The following MMP28 variants were observed in gnomAD, a reference collection of about 807,000 sequenced individuals.
MMP28 encodes matrix metallopeptidase 28, also known as matrix metalloproteinase-28.
In MMP28, 55 loss-of-function variants were observed where a neutral mutation model predicts 60.5. The ratio of observed to expected loss-of-function variants is 0.91; its 90% CI spans 0.73 to 1.14. The LOEUF (loss-of-function observed/expected upper bound fraction) is 1.14. Ranked by LOEUF, MMP28 falls within the 50% of genes most tolerant of loss-of-function variation. The pLI is 0.00. For synonymous variants in MMP28, 318 were observed against 312.5 expected (o/e 1.02, Z -0.18); for missense variants, 686 against 738.3 (o/e 0.93, Z 0.82).
At position 35,760,791 on chromosome 17, in the gene MMP28, C is replaced by T. The variant is rs1227061894; in HGVS notation, c.266-4372G>A. The T allele has an allele frequency of 1.2e-5, 10 of 862,074 alleles. No individual in the cohort carries two copies. The African/African-American group carries it at 1.3e-4, about 12-fold the overall frequency. 53.4% of individuals were successfully genotyped at this position (862,074 alleles called of 1,614,324 possible). A position where few individuals can be genotyped will look rare whatever the true frequency, so the allele number is the denominator to read the frequency against. On this transcript the variant is annotated intron_variant, in intron 2 of 2. Transcript: ENST00000615317. Reference sequence around the variant, plus strand: ...GAGGCTCTGGAAAAGGAAATTATTCCTGGGCAGAGCCTTATGGGCAGGTGA... The same window carrying T: ...GAGGCTCTGGAAAAGGAAATTATTCTTGGGCAGAGCCTTATGGGCAGGTGA...
intron 1 of MMP28, among the ~76,000 whole-genome samples, chr17:35,780,226 G>A (rs975797387): frequency 9.9e-5 from 15 of 151,908 alleles, no homozygotes; most frequent in East Asian, 5.8e-4. Context: ...GCACCACCAC[G>A]CCTGGGTAAT....
intron 1 of MMP28, among the ~76,000 whole-genome samples, chr17:35,787,823 T>G (rs2086695414): frequency 6.6e-6 from 1 of 151,748 alleles, no homozygotes; most frequent in African/African-American, 2.4e-5. Context: ...CAAAGTTCTG[T>G]CTAGGTGTAA....
intron 3 of MMP28, among the ~76,000 whole-genome samples, chr17:35,775,164 G>A (rs574809482): frequency 1.4e-3 from 218 of 152,296 alleles, no homozygotes; most frequent in Middle Eastern, 3.4e-3. Context: ...GGGAAGAATA[G>A]GGAGGATGAA....
chr17:35,789,073 T>C (rs2086735377), intron 1 of MMP28, among the ~76,000 whole-genome samples: 1 of 152,092 alleles, frequency 6.6e-6, no homozygotes, highest in Admixed American at 6.6e-5. Flanking sequence ...GCACTTAATC[T>C]CCTCCCTGGC....
downstream of MMP28, among the ~76,000 whole-genome samples, chr17:35,762,865 T>C (rs587640373): frequency 3.9e-4 from 60 of 151,968 alleles, no homozygotes; most frequent in Admixed American, 1.6e-3. Flanking sequence ...GTGGCTCACG[T>C]CTGTAATCCT....
At chr17:35,782,988 G>A (rs780038189) in intron 1 of MMP28, among the ~76,000 whole-genome samples, 3 of 151,958 alleles carry the variant, frequency 2.0e-5, no homozygotes, top group Admixed American at 6.6e-5. Context: ...CACGATGCCC[G>A]GCTAATTTTT....
At position 35,766,999 on chromosome 17, in the gene MMP28, A is replaced by T. The variant is rs1000971030; in HGVS notation, c.1169-105T>A. 6.5e-6 allele frequency: 7 copies of T among 1,082,996 alleles called. No homozygotes were observed. Among genetic ancestry groups the T allele is most frequent in the Non-Finnish European group, 8.2e-6 (6 of 732,520 alleles). 67.1% of individuals were successfully genotyped at this position (1,082,996 alleles called of 1,614,324 possible). A position where few individuals can be genotyped will look rare whatever the true frequency, so the allele number is the denominator to read the frequency against. ...TCTGCTCTCCTTTAAGCTGGAGCCC[A>T]CGATGGTTGGTATTCATATCAATCA... is the stretch of plus-strand genomic sequence containing the variant. On this transcript the variant is annotated intron_variant, in intron 7 of 7. Transcript: ENST00000605424. The surrounding 1 kb of genome is among the most constrained non-coding windows in gnomAD (Gnocchi z 4.3).
chr17:35,771,602 T>G (rs1425148445), intron 4 of MMP28, among the ~76,000 whole-genome samples: 1 of 148,342 alleles, frequency 6.7e-6, no homozygotes, highest in Non-Finnish European at 1.5e-5. Context: ...CACTTCTATA[T>G]GTATGTGTAT....
chr17:35,789,811 G>A (rs932775223), intron 1 of MMP28, among the ~76,000 whole-genome samples: 1 of 150,920 alleles, frequency 6.6e-6, no homozygotes, highest in Non-Finnish European at 1.5e-5. Context: ...GCTCAAGCTG[G>A]AGTGCAGTGG....
chr17:35,784,896 A>G (rs557367993), intron 1 of MMP28, among the ~76,000 whole-genome samples: 1 of 151,704 alleles, frequency 6.6e-6, no homozygotes, highest in East Asian at 1.9e-4. Flanking sequence ...TCTATTTTCC[A>G]CCCGTCCTCT....
intron 4 of MMP28, among the ~76,000 whole-genome samples, chr17:35,772,265 G>A (rs906539554): frequency 9.2e-5 from 14 of 152,244 alleles, no homozygotes; most frequent in Non-Finnish European, 1.5e-4. Context: ...TCAGAGGGCT[G>A]CTTGGGGATC....
chr17:35,767,113 C>A, intron 7 of MMP28: 1 of 706,494 alleles, frequency 1.4e-6, no homozygotes, highest in Non-Finnish European at 2.6e-6. Flanking sequence ...CAGGTGTCAG[C>A]AGAGGGCAGA....
At chr17:35,768,842 T>C (rs1041335551) in intron 5 of MMP28, among the ~76,000 whole-genome samples, 1 of 152,064 alleles carries the variant, frequency 6.6e-6, no homozygotes, top group African/African-American at 2.4e-5. Flanking sequence ...TTCCTGGTTG[T>C]TGGTGCTAAC....
intron 2 of MMP28, chr17:35,760,825 C>A: frequency 1.6e-6 from 2 of 1,255,586 alleles, no homozygotes; most frequent in East Asian, 2.4e-5. Context: ...GAGGTTCTAG[C>A]CCCACCCCTT....
intron 1 of MMP28, among the ~76,000 whole-genome samples, chr17:35,782,504 A>G (rs2086535867): frequency 6.6e-6 from 1 of 152,216 alleles, no homozygotes; most frequent in African/African-American, 2.4e-5. Flanking sequence ...TTTAATTCAC[A>G]TTCATTTTCA....
At position 35,775,361 on chromosome 17, in the gene MMP28, G is replaced by A. The variant is rs370907241; in HGVS notation, c.380-1957C>T. ...GCTTCAGGCCCTGACCCAAACTCCT[G>A]GCCAGGGAGGGCTGGTTTTTGTGGT... On this transcript the variant is annotated intron_variant, in intron 3 of 7. Transcript: ENST00000605424. Among the ~76,000 whole-genome samples, 40 of 152,272 alleles carry A rather than the reference G, an allele frequency of 2.6e-4. 1 individual carries two copies. The East Asian group carries it at 4.1e-3, about 15-fold the overall frequency.
rs755506482 is a variant in MMP28, at chr17:35,779,239, C to G, written c.191+5G>C. ...CCCCAAGTCCTCCACATCCCTCCAC[C>G]CTACCTGATGGCATCGCTGAATCGA... On this transcript the variant is annotated splice_donor_5th_base_variant and intron_variant, in intron 2 of 7. Coordinates refer to ENST00000605424, the MANE Select transcript of MMP28 (RefSeq NM_024302.5). 8.1e-6 allele frequency: 13 copies of G among 1,610,030 alleles called. No homozygotes were observed. The highest frequency in any genetic ancestry group is 2.2e-5 in the South Asian group (2 of 90,050).
chr17:35,764,285 C>T, downstream of MMP28: 1 of 1,526,974 alleles, frequency 6.5e-7, no homozygotes, highest in Non-Finnish European at 8.8e-7. Flanking sequence ...CTGGCTCGGC[C>T]CCTTAGCGCT....
intron 1 of MMP28, among the ~76,000 whole-genome samples, chr17:35,790,098 G>A (rs1223230574): frequency 3.0e-5 from 3 of 101,162 alleles, no homozygotes; most frequent in East Asian, 3.0e-4. Context: ...ACAGAGTCTC[G>A]CTCTGTTGCC....
Sources: gnomAD v4.1 joint callset for allele counts (sites outside exome capture counted in the v4.1 genomes callset) on GRCh38, gnomAD v4.1.1 for gene constraint, Gnocchi (gnomAD v3.1) non-coding constraint, MANE v1.5 for transcripts, NCBI Gene and HGNC (gene_info 2026-07-23, HGNC 2026-07-21) for gene names.